Variants in ANKRD30BL observed in about 807,000 individuals in gnomAD.
The protein encoded by ANKRD30BL is ankyrin repeat domain 30B like, also known as putative ankyrin repeat domain-containing protein 30B-like.
Under a neutral mutation model 18.4 loss-of-function variants are expected in ANKRD30BL, and 20 were observed. The ratio of observed to expected loss-of-function variants is 1.09; its 90% confidence interval spans 0.77 to 1.58. The LOEUF (loss-of-function observed/expected upper bound fraction) is 1.58. Ranked by LOEUF, ANKRD30BL falls within the 40% of genes most tolerant of loss-of-function variation. The probability of loss-of-function intolerance (pLI) is 0.00; values close to 1 mark genes in which losing one functional copy is unlikely to be tolerated. For synonymous variants in ANKRD30BL, 72 were observed against 100.9 expected, an observed-to-expected ratio of 0.71 and a Z score of 1.72; for missense variants, 224 against 268.6, an observed-to-expected ratio of 0.83 and a Z score of 1.16.
intron 3 of ANKRD30BL, chr2:132,155,080 G>T (rs185793863): frequency 7.8e-4 from 156 of 199,082 alleles, no homozygotes; most frequent in African/African-American, 3.3e-3. Context: ...TAAACCCTAA[G>T]ACATAGTAGT....
intron 1 of ANKRD30BL, among the ~76,000 whole-genome samples, chr2:132,222,858 A>AAAAAAAAAAAAAC (rs1679731762): frequency 2.0e-5 from 3 of 147,954 alleles, no homozygotes; most frequent in Non-Finnish European, 4.5e-5. Flanking sequence ...AAAAAAAAAA[A>AAAAAAAAAAAAAC]AAAAAAGAAA....
chr2:132,221,553 C>A (rs1339819852), intron 1 of ANKRD30BL, among the ~76,000 whole-genome samples: 1 of 131,528 alleles, frequency 7.6e-6, no homozygotes, highest in East Asian at 2.4e-4. Flanking sequence ...GTGGGGGGGT[C>A]AGCCCCCCGC....
intron 1 of ANKRD30BL, among the ~76,000 whole-genome samples, chr2:132,253,891 T>C (rs1410754453): frequency 6.6e-6 from 1 of 151,628 alleles, no homozygotes; most frequent in African/African-American, 2.4e-5. Context: ...GCCGGGCCAG[T>C]GGCATGGTTT....
chr2:132,244,698 T>C (rs1383915698), intron 1 of ANKRD30BL, among the ~76,000 whole-genome samples: 1 of 152,400 alleles, frequency 6.6e-6, no homozygotes, highest in East Asian at 1.9e-4. Flanking sequence ...ACACTCTTTT[T>C]GTAGGATCCG....
At chr2:132,189,708 A>G (rs1439682250) in intron 1 of ANKRD30BL, among the ~76,000 whole-genome samples, 1 of 152,066 alleles carries the variant, frequency 6.6e-6, no homozygotes, top group Non-Finnish European at 1.5e-5. Flanking sequence ...ATAATTAGAA[A>G]TTAAAAGTAC....
chr2:132,204,407 ATATATAG>A (rs1324975578), intron 1 of ANKRD30BL, among the ~76,000 whole-genome samples: 2 of 151,776 alleles, frequency 1.3e-5, no homozygotes, highest in East Asian at 3.9e-4. Context: ...TATAGCATAT[ATATATAG>A]TATATAGCAT....
At chr2:132,154,138 A>G (rs1435156664) in intron 4 of ANKRD30BL, among the ~76,000 whole-genome samples, 1 of 152,056 alleles carries the variant, frequency 6.6e-6, no homozygotes, top group Admixed American at 6.6e-5. Flanking sequence ...GCTAATTTTT[A>G]TATTTTTCAT....
intron 5 of ANKRD30BL, among the ~76,000 whole-genome samples, 197 bp from the exon 6 acceptor site, chr2:132,148,425 G>A (rs1167050230): frequency 2.2e-5 from 3 of 133,780 alleles, no homozygotes; most frequent in Non-Finnish European, 4.6e-5. Context: ...GGAGTGCAGT[G>A]GCACGATCTC....
intron 1 of ANKRD30BL, among the ~76,000 whole-genome samples, chr2:132,222,915 G>T (rs576815584): frequency 1.3e-5 from 2 of 149,834 alleles, no homozygotes; most frequent in Admixed American, 1.3e-4. Context: ...GCACTTTGAG[G>T]CCTATGGTGG....
intron 1 of ANKRD30BL, among the ~76,000 whole-genome samples, chr2:132,186,267 T>C (rs1688558387): frequency 1.3e-5 from 2 of 152,264 alleles, no homozygotes; most frequent in Middle Eastern, 3.4e-3. Flanking sequence ...AACATATAAA[T>C]AGTACGTAAC....
chr2:132,156,367 T>C (rs1687905062), intron 3 of ANKRD30BL: 1 of 152,248 alleles, frequency 6.6e-6, no homozygotes, highest in East Asian at 1.9e-4. Flanking sequence ...ATAAACTATA[T>C]ATTATAAACA....
At chr2:132,164,277 T>A (rs868577268), upstream of ANKRD30BL, among the ~76,000 whole-genome samples, 4 of 135,978 alleles carry the variant, frequency 2.9e-5, no homozygotes, top group Admixed American at 7.2e-5. Context: ...TTCTTTTTTT[T>A]TTTTTTTTTT....
intron 1 of ANKRD30BL, among the ~76,000 whole-genome samples, chr2:132,222,832 TAAAAAA>T (rs71001178): frequency 1.0e-3 from 53 of 52,808 alleles, no homozygotes; most frequent in South Asian, 3.9e-3. Flanking sequence ...GAATGATCAA[TAAAAAA>T]AAAAAAAAAA....
At chr2:132,158,214 T>C (rs1156876417) in intron 1 of ANKRD30BL, among the ~76,000 whole-genome samples, 1 of 152,062 alleles carries the variant, frequency 6.6e-6, no homozygotes, top group Admixed American at 6.5e-5. Context: ...AAAGGAGAGT[T>C]GAAATAAAAA....
At chr2:132,220,058 C>A (rs561854443) in intron 1 of ANKRD30BL, among the ~76,000 whole-genome samples, 1 of 152,312 alleles carries the variant, frequency 6.6e-6, no homozygotes, top group South Asian at 2.1e-4. Context: ...GCATTCAACT[C>A]ACAGAGTTGG....
chr2:132,242,679 A>C, intron 1 of ANKRD30BL, among the ~76,000 whole-genome samples: 1 of 151,122 alleles, frequency 6.6e-6, no homozygotes, highest in Non-Finnish European at 1.5e-5. Flanking sequence ...ATATTTGGAT[A>C]GGTTTCTGGT....
chr2:132,158,300 A>G, intron 1 of ANKRD30BL, among the ~76,000 whole-genome samples: 1 of 152,144 alleles, frequency 6.6e-6, no homozygotes, highest in African/African-American at 2.4e-5. Flanking sequence ...TCAAGAAGGT[A>G]TGGCTTATTT....
chr2:132,177,855 C>G (rs985487553), intron 1 of ANKRD30BL, among the ~76,000 whole-genome samples: 3 of 152,022 alleles, frequency 2.0e-5, no homozygotes, highest in African/African-American at 7.2e-5. Context: ...CATTGTTTGC[C>G]TCTGGCTTTC....
intron 1 of ANKRD30BL, among the ~76,000 whole-genome samples, chr2:132,240,685 C>T (rs1680291836): frequency 6.6e-6 from 1 of 151,818 alleles, no homozygotes; most frequent in Non-Finnish European, 1.5e-5. Flanking sequence ...TAGACAGAAG[C>T]ATTCTCAGAA....
Sources: allele counts gnomAD v4.1 joint callset (sites outside exome capture counted in the v4.1 genomes callset), GRCh38; gene constraint gnomAD v4.1.1; transcripts MANE v1.5; gene names NCBI Gene and HGNC (gene_info 2026-07-23, HGNC 2026-07-21).